PCDHGB6: variants seen among roughly 807,000 people sequenced by gnomAD.
The protein encoded by PCDHGB6 is protocadherin gamma-B6.
In PCDHGB6, 51 loss-of-function variants were observed where a neutral mutation model predicts 59.1. The observed-to-expected ratio is 0.86, with a 90% CI of 0.69 to 1.09. The LOEUF (loss-of-function observed/expected upper bound fraction) is 1.09, where lower values mean the gene tolerates loss of function less well. PCDHGB6 is among the 50% of genes least tolerant of loss of function. The pLI, the probability that PCDHGB6 is intolerant of heterozygous loss-of-function variation, is 0.00. For synonymous variants in PCDHGB6, 466 were observed against 495.1 expected, an observed-to-expected ratio of 0.94 and a Z score of 0.78; for missense variants, 1,148 against 1,205.1, an observed-to-expected ratio of 0.95 and a Z score of 0.70.
rs769514553 is a variant in PCDHGB6, at chr5:141,490,072, G to T, written c.2419-4735G>T. On this transcript the variant is annotated intron_variant, in intron 1 of 3. Transcript: ENST00000520790. The surrounding 1 kb of genome is among the most constrained non-coding windows in gnomAD (Gnocchi z 5.4). Reference sequence around the variant, plus strand: ...AGACGAGGGCACCAACGGCCAACTAGACTATTCTTTTGGAGACCACACATC... The same window carrying T: ...AGACGAGGGCACCAACGGCCAACTATACTATTCTTTTGGAGACCACACATC... 2 of 1,614,254 alleles carry T rather than the reference G, an allele frequency of 1.2e-6. No homozygotes were observed. Among genetic ancestry groups the T allele is most frequent in the South Asian group, 2.2e-5 (2 of 91,090 alleles).
intron 1 of PCDHGB6, chr5:141,418,093 C>G: frequency 8.1e-6 from 13 of 1,614,032 alleles, no homozygotes; most frequent in Non-Finnish European, 1.1e-5. Flanking sequence ...TCAGCGTAGA[C>G]GCGCAGAGCG....
Position 141,510,868 on chromosome 5 carries a change from T to C in PCDHGB6, c.2567-79T>C, listed in dbSNP as rs2099883142. 40 of 1,608,466 alleles carry C rather than the reference T, an allele frequency of 2.5e-5. No homozygotes were observed. The Middle Eastern group carries it at 4.9e-4, about 20-fold the overall frequency. On this transcript the variant is annotated intron_variant, in intron 3 of 3. Transcript: ENST00000520790. The stretch of plus-strand genomic sequence containing the variant: ...GCCCAGGGTGCTGTATAGGCATTCA[T>C]TAACTGCTGGGGATATAAGACAGTG...
At chr5:141,430,950 T>C (rs756423770) in intron 1 of PCDHGB6, 5 of 1,609,980 alleles carry the variant, frequency 3.1e-6, no homozygotes, top group East Asian at 2.2e-5. Flanking sequence ...GAGCGCGGAG[T>C]CCGCATCATC....
intron 2 of PCDHGB6, among the ~76,000 whole-genome samples, chr5:141,497,553 T>G (rs2099777684): frequency 6.6e-6 from 1 of 151,326 alleles, no homozygotes; most frequent in Non-Finnish European, 1.5e-5. Flanking sequence ...TTTTTTTTTT[T>G]TTTTTAGACA....
chr5:141,496,888 T>TA (rs35063790), intron 2 of PCDHGB6, among the ~76,000 whole-genome samples: 34,968 of 133,936 alleles, frequency 0.26, 4,377 homozygotes, highest in Admixed American at 0.34. Flanking sequence ...AAGTAACACT[T>TA]AAAAAAAAAA....
At chr5:141,434,119 C>T (rs2097673106) in intron 1 of PCDHGB6, among the ~76,000 whole-genome samples, 1 of 152,180 alleles carries the variant, frequency 6.6e-6, no homozygotes, top group Non-Finnish European at 1.5e-5. Flanking sequence ...GCCTTTGGGA[C>T]TCCCTTTAGG....
chr5:141,453,540 A>G (rs890130466), intron 1 of PCDHGB6, among the ~76,000 whole-genome samples: 2 of 152,058 alleles, frequency 1.3e-5, no homozygotes, highest in Non-Finnish European at 2.9e-5. Context: ...CCTCATTCAC[A>G]CCACACTCTG....
chr5:141,419,240 G>C (rs753956971), intron 1 of PCDHGB6: 1 of 1,613,980 alleles, frequency 6.2e-7, no homozygotes, highest in South Asian at 1.1e-5. Flanking sequence ...CCTGGTCCAC[G>C]TGCCAGAAAA....
intron 1 of PCDHGB6, chr5:141,423,386 G>T: frequency 6.2e-7 from 1 of 1,614,160 alleles, no homozygotes; most frequent in Middle Eastern, 1.7e-4. Flanking sequence ...CTGTGGCGCT[G>T]GCATAAGTCA....
At chr5:141,447,834 C>T (rs2098552835) in intron 1 of PCDHGB6, among the ~76,000 whole-genome samples, 1 of 151,844 alleles carries the variant, frequency 6.6e-6, no homozygotes, top group African/African-American at 2.4e-5. Flanking sequence ...GCCTGTAATC[C>T]CAGTGCTTTG....
At chr5:141,456,968 AAAAC>A (rs202005606) in intron 1 of PCDHGB6, among the ~76,000 whole-genome samples, 2,421 of 152,270 alleles carry the variant, frequency 0.016, 37 homozygotes, top group Non-Finnish European at 0.025. Context: ...ATCTCAAAAC[AAAAC>A]AAACAAACAA....
intron 1 of PCDHGB6, chr5:141,419,411 C>A (rs757881409): frequency 1.9e-6 from 3 of 1,613,462 alleles, no homozygotes; most frequent in Non-Finnish European, 2.5e-6. Context: ...GTTCGCGCAG[C>A]GCGCCTTCGA....
intron 1 of PCDHGB6, chr5:141,471,252 T>A (rs1003162914): frequency 6.6e-6 from 1 of 151,872 alleles, no homozygotes; most frequent in Admixed American, 6.6e-5. Flanking sequence ...GGTTTCACCA[T>A]GTTGGCAAGG....
Position 141,485,465 on chromosome 5 carries a change from C to T in PCDHGB6, c.2419-9342C>T. ...AATCGACCGAGAGGCACTGTGTGGG[C>T]TCAGTGCCAGCTGCATCGTGCCCCT... On this transcript the variant is annotated intron_variant, in intron 1 of 3. Coordinates refer to ENST00000520790, the MANE Select transcript of PCDHGB6 (RefSeq NM_018926.3). This position sits in a 1 kb window ranked among gnomAD's most constrained non-coding sequence, Gnocchi z 5.7. 6.2e-7 allele frequency: 1 copy of T among 1,614,162 alleles called. No homozygotes were observed.
chr5:141,441,517 G>A (rs1316654534), intron 1 of PCDHGB6: 1 of 172,138 alleles, frequency 5.8e-6, no homozygotes, highest in South Asian at 1.3e-4. Flanking sequence ...CGTCGTCCAC[G>A]TGGCCAAGAA....
chr5:141,476,264 G>T lies in PCDHGB6; in HGVS notation c.2419-18543G>T, dbSNP rs753184649. On this transcript the variant is annotated intron_variant, in intron 1 of 3. Coordinates refer to ENST00000520790, the MANE Select transcript of PCDHGB6 (RefSeq NM_018926.3). This position sits in a 1 kb window ranked among gnomAD's most constrained non-coding sequence, Gnocchi z 7.6. ...AGAGAAGGGTTTCGCTGTGGGCAAC[G>T]TGGTCGCGAACCTTGGTTTGGATCT... The T allele has an allele frequency of 5.0e-6, 8 of 1,613,964 alleles. No individual in the cohort carries two copies. In the African/African-American group the frequency reaches 8.0e-5, roughly 16 times the overall value.
At chr5:141,499,399 C>A (rs2099791676) in intron 2 of PCDHGB6, among the ~76,000 whole-genome samples, 1 of 152,072 alleles carries the variant, frequency 6.6e-6, no homozygotes, top group Non-Finnish European at 1.5e-5. Flanking sequence ...ATAGTACATG[C>A]TCATTATAGA....
intron 1 of PCDHGB6, chr5:141,419,964 T>A (rs151105903): frequency 1.2e-6 from 2 of 1,613,964 alleles, no homozygotes; most frequent in African/African-American, 2.7e-5. Context: ...ATTTCTGTGC[T>A]CTTTCTCCTC....
intron 1 of PCDHGB6, among the ~76,000 whole-genome samples, chr5:141,474,448 A>G (rs1350019257): frequency 3.3e-5 from 5 of 152,204 alleles, no homozygotes; most frequent in Non-Finnish European, 5.9e-5. Context: ...GTAGCAAGTG[A>G]TTGGGCTATA....
Sources: gnomAD v4.1 joint callset for allele counts (sites outside exome capture counted in the v4.1 genomes callset) on GRCh38, gnomAD v4.1.1 for gene constraint, Gnocchi (gnomAD v3.1) non-coding constraint, MANE v1.5 for transcripts, NCBI Gene and HGNC (gene_info 2026-07-23, HGNC 2026-07-21) for gene names.